ERCC6L: variants seen among roughly 807,000 people sequenced by gnomAD.
ERCC6L encodes the protein ERCC excision repair 6 like, spindle assembly checkpoint helicase, also known as DNA excision repair protein ERCC-6-like.
Under a neutral mutation model 20.1 loss-of-function variants are expected in ERCC6L, and 7 were observed. The observed-to-expected ratio is 0.35, with a 90% CI of 0.20 to 0.65. The LOEUF is 0.65. ERCC6L is among the 30% of genes least tolerant of loss of function. ERCC6L has a pLI of 0.69. For missense variants in ERCC6L, 592 were observed against 892.4 expected (o/e 0.66, Z 4.29); for synonymous variants, 278 against 331.3 (o/e 0.84, Z 1.75).
chrX:72,210,559 A>G (rs1315298761), intron 1 of ERCC6L, among the ~76,000 whole-genome samples: 4 of 111,652 alleles, frequency 3.6e-5, no homozygotes, highest in African/African-American at 1.3e-4. Flanking sequence ...TGAAACCCCT[A>G]TGAAACCTGG....
At chrX:72,225,873 C>T (rs771365140) in intron 1 of ERCC6L, among the ~76,000 whole-genome samples, 45 of 111,825 alleles carry the variant, frequency 4.0e-4, no homozygotes, top group Non-Finnish European at 8.1e-4. Flanking sequence ...CTCCCTCCAA[C>T]TGGTAACATA....
rs1253456967 is a variant in ERCC6L at position 72,217,875 on chromosome X, T to C, written c.69-9177A>G. 4.5e-5 allele frequency among the ~76,000 whole-genome samples: 5 copies of C among 112,347 alleles called. No homozygotes were observed. The South Asian group carries it at 1.1e-3, about 25-fold the overall frequency. On this transcript the variant is annotated intron_variant, in intron 1 of 1. Transcript: ENST00000334463. ...TTCCATTGATCTATATCTATACTTATGCAAGTACCACACTGTCTTGACTAC... is the reference window on the plus strand; with the variant it reads ...TTCCATTGATCTATATCTATACTTACGCAAGTACCACACTGTCTTGACTAC...
At chrX:72,209,584 C>T (rs749776909) in intron 1 of ERCC6L, among the ~76,000 whole-genome samples, 5 of 111,482 alleles carry the variant, frequency 4.5e-5, no homozygotes, top group African/African-American at 6.5e-5. Flanking sequence ...GTCCTACTAA[C>T]TTTATTTCCC....
chrX:72,206,646 G>A lies in ERCC6L; in HGVS notation c.2121C>T (p.Leu707=), dbSNP rs776513413. 5.0e-6 allele frequency: 6 copies of A among 1,209,459 alleles called. No homozygotes were observed. The highest frequency in any genetic ancestry group is 1.8e-5 in the African/African-American group (1 of 57,087). The change falls in exon 2 of 2, where the codon CTC becomes CTT. Residue 707 remains leucine (L), a synonymous_variant. Coordinates refer to ENST00000334463, the MANE Select transcript of ERCC6L (RefSeq NM_017669.4). The part of the protein sequence containing the change: ...IQQRVQKAQF[L]VEFESQNKEF... ...CTTTATTTTGAGACTCGAATTCAACGAGGAATTGAGCTTTCTGAACCCTTT... is the reference window on the plus strand; with the variant it reads ...CTTTATTTTGAGACTCGAATTCAACAAGGAATTGAGCTTTCTGAACCCTTT...
chrX:72,227,876 G>A (rs916259526), intron 1 of ERCC6L, among the ~76,000 whole-genome samples: 8 of 112,673 alleles, frequency 7.1e-5, no homozygotes, highest in African/African-American at 2.6e-4. Flanking sequence ...TCGGCCAGCC[G>A]TAATAAAGAA....
chrX:72,206,931 T>C lies in ERCC6L; in HGVS notation c.1836A>G (p.Lys612=), dbSNP rs199578644. 7.3e-5 allele frequency: 88 copies of C among 1,209,645 alleles called. No individual in the cohort carries two copies. In the East Asian group the frequency reaches 2.6e-3, roughly 36 times the overall value. ...TACTAAAATATCGGAAAGGGTTCTT[T>C]TTTTCACCAGTAGTTTGTCTTATTA... is the stretch of plus-strand genomic sequence containing the variant. ...DSLIRQTTGE[K]KNPFRYFSKQ... Residue 612 remains lysine, a synonymous_variant, in exon 2 of 2, where the codon AAA becomes AAG. Coordinates refer to ENST00000334463, the MANE Select transcript of ERCC6L (RefSeq NM_017669.4).
In ERCC6L at chrX:72,207,382, A is replaced by G. The variant is rs923238793; in HGVS notation, c.1385T>C (p.Met462Thr). The G allele has an allele frequency of 8.3e-7, 1 of 1,210,871 alleles. No homozygotes were observed. Residue 462 changes from methionine (M) to threonine (T), a missense_variant, in exon 2 of 2, where the codon ATG becomes ACG. By Grantham distance (81) the Met-to-Thr change is moderately conservative (BLOSUM62 -1). Coordinates refer to ENST00000334463, the MANE Select transcript of ERCC6L (RefSeq NM_017669.4). ...CTTAAGTAGGTCCATTAGGAATATC[A>G]TTTTTCCAGATTCTTCCATCAATGT... The part of the protein sequence containing the change: ...DDTLMEESGK[M>T]IFLMDLLKRL...
intron 1 of ERCC6L, among the ~76,000 whole-genome samples, chrX:72,236,092 A>C: frequency 9.0e-6 from 1 of 111,233 alleles, no homozygotes; most frequent in Non-Finnish European, 1.9e-5. Flanking sequence ...TTGGTATTCT[A>C]GAGGGAGTAA....
chrX:72,206,052 A>G lies in ERCC6L; in HGVS notation c.2715T>C (p.Ser905=). ...TGGATACATTTGATTCTGCATTTTG[A>G]CTTTCATTTGTTATGGAAATAATGG... ...PWPIISITNE[S]QNAESNVSII... Residue 905 remains serine, a synonymous_variant, in exon 2 of 2, where the codon AGT becomes AGC. Transcript: ENST00000334463. 1 of 1,211,286 alleles carries G rather than the reference A, an allele frequency of 8.3e-7. No homozygotes were observed. The highest frequency in any genetic ancestry group is 1.1e-6 in the Non-Finnish European group (1 of 895,098).
rs192207825 is a variant in ERCC6L at position 72,219,677 on chromosome X, G to A, written c.69-10979C>T. ...AGCCTGACCAACATGAAGAAGCCCC[G>A]CCTCTACTAAAAATACAAAAAAATT... is the stretch of plus-strand genomic sequence containing the variant. On this transcript the variant is annotated intron_variant, in intron 1 of 1. Transcript: ENST00000334463. Among the ~76,000 whole-genome samples, 401 of 106,600 alleles carry A rather than the reference G, an allele frequency of 3.8e-3. 2 individuals are homozygous for A. Among genetic ancestry groups the A allele is most frequent in the African/African-American group, 0.013 (387 of 29,092 alleles). 92.6% of individuals were successfully genotyped at this position (106,600 alleles called of 115,157 possible). A position where few individuals can be genotyped will look rare whatever the true frequency, so the allele number is the denominator to read the frequency against.
At chrX:72,224,524 A>G (rs1156395766) in intron 1 of ERCC6L, among the ~76,000 whole-genome samples, 2 of 111,830 alleles carry the variant, frequency 1.8e-5, no homozygotes, top group Non-Finnish European at 3.8e-5. Context: ...AGGCAGGCGG[A>G]TCACCTGAGT....
chrX:72,223,803 G>A (rs913313029), intron 1 of ERCC6L, among the ~76,000 whole-genome samples: 1 of 111,724 alleles, frequency 9.0e-6, no homozygotes, highest in South Asian at 3.8e-4. Flanking sequence ...GGGAAACTCC[G>A]TCACCTCTCT....
chrX:72,237,514 C>A lies in ERCC6L; in HGVS notation c.68+1330G>T, dbSNP rs1213351586. Among the ~76,000 whole-genome samples, 3 of 109,848 alleles carry A rather than the reference C, an allele frequency of 2.7e-5. No individual in the cohort carries two copies. The East Asian group carries it at 8.6e-4, about 31-fold the overall frequency. ...TCGGGAGGCTGAGGCAGGAGAATGG[C>A]GTGAACCCGGAAGGCGGAGCTTGCT... On this transcript the variant is annotated intron_variant, in intron 1 of 1. Transcript: ENST00000334463.
In ERCC6L at chrX:72,207,901, T is replaced by C; in HGVS notation, c.866A>G (p.Glu289Gly). Residue 289 changes from glutamate (E) to glycine (G), a missense_variant, in exon 2 of 2, where the codon GAG (glutamate) becomes GGG (glycine). By Grantham distance (98) the Glu-to-Gly change is moderately conservative. This residue lies in a region of ERCC6L where 196 missense variants were observed against 440.1 expected (regional missense o/e 0.45). Coordinates refer to ENST00000334463, the MANE Select transcript of ERCC6L (RefSeq NM_017669.4). ...LLGTLKTFKM[E>G]YENPITRARE... ...TGCTCTAGTAATAGGATTTTCATAC[T>C]CCATCTTAAAAGTTTTTAATGTTCC... is the stretch of plus-strand genomic sequence containing the variant. The C allele has an allele frequency of 8.3e-7, 1 of 1,211,188 alleles. No homozygotes were observed. Among genetic ancestry groups the C allele is most frequent in the Non-Finnish European group, 1.1e-6 (1 of 895,192 alleles).
intron 1 of ERCC6L, among the ~76,000 whole-genome samples, chrX:72,234,550 G>A (rs992758928): frequency 4.5e-5 from 5 of 111,478 alleles, no homozygotes; most frequent in Non-Finnish European, 9.4e-5. Flanking sequence ...GAGAAGAAAT[G>A]GAGCAATAAC....
chrX:72,214,564 T>G (rs1376051514), intron 1 of ERCC6L, among the ~76,000 whole-genome samples: 1 of 107,779 alleles, frequency 9.3e-6, no homozygotes. Context: ...TCCCATCTAC[T>G]CTGGAGGCAA....
intron 1 of ERCC6L, among the ~76,000 whole-genome samples, chrX:72,233,760 A>G (rs750940511): frequency 1.8e-5 from 2 of 108,763 alleles, no homozygotes; most frequent in South Asian, 7.9e-4. Context: ...GTATTAGATA[A>G]TATCAATGAA....
chrX:72,212,850 G>A (rs978951145), intron 1 of ERCC6L, among the ~76,000 whole-genome samples: 3 of 111,569 alleles, frequency 2.7e-5, no homozygotes, highest in Admixed American at 9.5e-5. Flanking sequence ...GCTAAGGTGG[G>A]AGGGATGGCT....
chrX:72,231,720 A>G (rs2147603333), intron 1 of ERCC6L, among the ~76,000 whole-genome samples: 1 of 110,582 alleles, frequency 9.0e-6, no homozygotes, highest in African/African-American at 3.3e-5. Context: ...CACACAACTA[A>G]TTTTTGTATT....
Sources: gnomAD v4.1 joint callset for allele counts (sites outside exome capture counted in the v4.1 genomes callset) on GRCh38, gnomAD v4.1.1 for gene constraint, gnomAD v4.1.1 regional missense constraint, MANE v1.5 for transcripts, NCBI Gene and HGNC (gene_info 2026-07-23, HGNC 2026-07-21) for gene names.